Variants in ST7 observed in about 807,000 individuals in gnomAD.
ST7 encodes suppressor of tumorigenicity 7 protein.
In ST7, 28 loss-of-function variants were observed where a neutral mutation model predicts 78.7. The ratio of observed to expected loss-of-function variants is 0.36; its 90% CI spans 0.26 to 0.49. The LOEUF is 0.49. Ranked by LOEUF, ST7 falls within the 20% of genes least tolerant of loss-of-function variation. The probability of loss-of-function intolerance (pLI) is 0.99; values close to 1 mark genes in which losing one functional copy is unlikely to be tolerated. For synonymous variants in ST7, 247 were observed against 249.6 expected, an observed-to-expected ratio of 0.99 and a Z score of 0.10; for missense variants, 418 against 696.0, an observed-to-expected ratio of 0.60 and a Z score of 4.49.
In ST7 at chr7:117,071,919, T is replaced by C. The variant is rs1292302900; in HGVS notation, c.152-27843T>C. 2.6e-5 allele frequency among the ~76,000 whole-genome samples: 4 copies of C among 152,246 alleles called. 1 individual carries two copies. In the South Asian group the frequency reaches 6.2e-4, roughly 24 times the overall value. ...GATTACCTATGGCTGTGGATATTAT[T>C]GGTCATTAGACCTAACTGGCAATCC... is the stretch of plus-strand genomic sequence containing the variant. On this transcript the variant is annotated intron_variant, in intron 1 of 15. Coordinates refer to ENST00000323984, the MANE Select transcript of ST7 (RefSeq NM_001369598.1).
At chr7:116,982,713 T>C (rs904948905) in intron 1 of ST7, among the ~76,000 whole-genome samples, 9 of 152,330 alleles carry the variant, frequency 5.9e-5, no homozygotes, top group African/African-American at 1.7e-4. Flanking sequence ...GTTCCATTCT[T>C]GGAATCAGCA....
At chr7:116,974,592 T>C (rs1161044423) in intron 1 of ST7, among the ~76,000 whole-genome samples, 1 of 152,134 alleles carries the variant, frequency 6.6e-6, no homozygotes, top group Non-Finnish European at 1.5e-5. Flanking sequence ...CGCCGGGCCT[T>C]TTCTTTTTGA....
intron 13 of ST7, among the ~76,000 whole-genome samples, chr7:117,217,533 A>G (rs182075150): frequency 6.6e-6 from 1 of 152,208 alleles, no homozygotes; most frequent in East Asian, 1.9e-4. Context: ...TTCTAATGAG[A>G]GAGATGTTGG....
rs181400487 is a variant in ST7 at position 116,972,357 on chromosome 7, A to T, written c.151+18666A>T. 328 of 627,500 alleles carry T rather than the reference A, an allele frequency of 5.2e-4. 4 individuals are homozygous for T. In the East Asian group the frequency reaches 6.6e-3, roughly 13 times the overall value. The allele number at this position is 627,500 out of a possible 1,614,324, so 38.9% of individuals were successfully genotyped here. A position where few individuals can be genotyped will look rare whatever the true frequency, so the allele number is the denominator to read the frequency against. Reference sequence around the variant, plus strand: ...CAGTAAGAATCTTGATCTCTTTCTCATATTTGTCTTCTTTTTGAGAGTACT... The same window carrying T: ...CAGTAAGAATCTTGATCTCTTTCTCTTATTTGTCTTCTTTTTGAGAGTACT... On this transcript the variant is annotated intron_variant, in intron 1 of 15. Transcript: ENST00000323984.
intron 2 of ST7, among the ~76,000 whole-genome samples, chr7:117,118,914 G>C (rs1803132904): frequency 6.6e-6 from 1 of 152,160 alleles, no homozygotes; most frequent in Non-Finnish European, 1.5e-5. Flanking sequence ...TAGTAGGCTT[G>C]TGAACTAGGA....
At chr7:117,022,606 A>C (rs1406130750) in intron 1 of ST7, among the ~76,000 whole-genome samples, 4 of 152,152 alleles carry the variant, frequency 2.6e-5, no homozygotes, top group Admixed American at 1.3e-4. Flanking sequence ...TCACATTTGA[A>C]ATTCCAATTA....
chr7:117,104,316 T>G (rs1218258502), intron 2 of ST7, among the ~76,000 whole-genome samples: 1 of 152,166 alleles, frequency 6.6e-6, no homozygotes, highest in Non-Finnish European at 1.5e-5. Flanking sequence ...GGCACACACC[T>G]GTAGTCCCAG....
intron 6 of ST7, among the ~76,000 whole-genome samples, chr7:117,132,269 G>T (rs1417167236): frequency 6.6e-6 from 1 of 151,560 alleles, no homozygotes; most frequent in East Asian, 1.9e-4. Flanking sequence ...CATTCTGACA[G>T]GGAAAATTTT....
chr7:117,044,829 C>G (rs1797410489), intron 1 of ST7, among the ~76,000 whole-genome samples: 1 of 152,168 alleles, frequency 6.6e-6, no homozygotes, highest in Non-Finnish European at 1.5e-5. Flanking sequence ...GTCTAGACCT[C>G]CCTGAGCTCA....
intron 1 of ST7, among the ~76,000 whole-genome samples, chr7:116,989,504 T>G (rs888055065): frequency 6.6e-6 from 1 of 151,932 alleles, no homozygotes; most frequent in Non-Finnish European, 1.5e-5. Flanking sequence ...TAACATCTTA[T>G]CTCTCTGAGT....
chr7:117,004,430 G>T lies in ST7; in HGVS notation c.151+50739G>T, dbSNP rs141090543. Among the ~76,000 whole-genome samples the T allele has an allele frequency of 1.7e-4, 26 of 152,110 alleles. No individual in the cohort carries two copies. The East Asian group carries it at 4.8e-3, about 28-fold the overall frequency. On this transcript the variant is annotated intron_variant, in intron 1 of 15. Coordinates refer to ENST00000323984, the MANE Select transcript of ST7 (RefSeq NM_001369598.1). ...GCTGTATATGTTGAAAATAAATGAG[G>T]TAGGCGGATCATATGAGGTCAGGAG...
intron 1 of ST7, among the ~76,000 whole-genome samples, chr7:116,962,189 A>G (rs774795122): frequency 2.6e-5 from 4 of 152,042 alleles, no homozygotes; most frequent in Non-Finnish European, 2.9e-5. Context: ...TCTATCATTG[A>G]TGGGCATTTG....
At chr7:117,199,607 G>A (rs1468865499) in intron 12 of ST7, among the ~76,000 whole-genome samples, 9 of 152,208 alleles carry the variant, frequency 5.9e-5, no homozygotes, top group Non-Finnish European at 7.4e-5. Context: ...CTCCAAAGGT[G>A]TACAATTCTG....
intron 1 of ST7, chr7:116,956,868 G>A: frequency 5.6e-6 from 2 of 354,372 alleles, no homozygotes; most frequent in East Asian, 7.5e-5. Context: ...CCATATGCAA[G>A]ATGGGGCTGG....
intron 1 of ST7, among the ~76,000 whole-genome samples, chr7:117,087,168 G>A (rs183732964): frequency 5.5e-4 from 84 of 152,326 alleles, no homozygotes; most frequent in South Asian, 1.0e-3. Context: ...CCCATGGCCT[G>A]TAGCTGCTTC....
chr7:117,157,148 A>T (rs1055600037), intron 9 of ST7, among the ~76,000 whole-genome samples: 11 of 152,202 alleles, frequency 7.2e-5, no homozygotes, highest in Admixed American at 5.9e-4. Context: ...GAATGCTGGC[A>T]GGTGCTGGAA....
At chr7:117,198,515 G>C in intron 12 of ST7, 1 of 301,468 alleles carries the variant, frequency 3.3e-6, no homozygotes, top group South Asian at 2.8e-5. Flanking sequence ...ATTGTCTTCA[G>C]GGATTCTGCA....
chr7:117,081,326 A>T (rs910630878), intron 1 of ST7, among the ~76,000 whole-genome samples: 3 of 152,128 alleles, frequency 2.0e-5, no homozygotes, highest in Non-Finnish European at 4.4e-5. Context: ...ATAATAATAT[A>T]TGCATGGCAG....
chr7:116,972,446 C>A, intron 1 of ST7: 1 of 761,654 alleles, frequency 1.3e-6, no homozygotes. Flanking sequence ...TCATCCATCT[C>A]TCGGCAACGG....
Sources: gnomAD v4.1 joint callset for allele counts (sites outside exome capture counted in the v4.1 genomes callset) on GRCh38, gnomAD v4.1.1 for gene constraint, MANE v1.5 for transcripts, NCBI Gene and HGNC (gene_info 2026-07-23, HGNC 2026-07-21) for gene names.